Variants in AFF3 observed in about 807,000 individuals in gnomAD.
The protein encoded by AFF3 is ALF transcription elongation factor 3, also known as AF4/FMR2 family member 3.
AFF3 carries 32 observed loss-of-function variants against 129.7 expected under a neutral mutation model. The ratio of observed to expected loss-of-function variants is 0.25; its 90% confidence interval spans 0.19 to 0.33. The LOEUF (loss-of-function observed/expected upper bound fraction) is 0.33, where lower values mean the gene tolerates loss of function less well. Among genes scored for constraint, AFF3 ranks in the 10% least tolerant of loss-of-function variants. AFF3 has a pLI of 1.00. For missense variants in AFF3, 1,373 were observed against 1,592.0 expected (o/e 0.86, Z 2.34); for synonymous variants, 644 against 635.4 (o/e 1.01, Z -0.20).
At chr2:100,005,831 G>C (rs1001225665) in intron 7 of AFF3, among the ~76,000 whole-genome samples, 1 of 152,134 alleles carries the variant, frequency 6.6e-6, no homozygotes, top group African/African-American at 2.4e-5. Context: ...CTTTCATTTG[G>C]TTATTAAATC....
At chr2:99,885,921 A>G (rs1206723982) in intron 7 of AFF3, among the ~76,000 whole-genome samples, 1 of 152,188 alleles carries the variant, frequency 6.6e-6, no homozygotes, top group Non-Finnish European at 1.5e-5. Context: ...AACCCATAAG[A>G]GAGGCTTACC....
intron 14 of AFF3, among the ~76,000 whole-genome samples, chr2:99,594,851 T>C (rs975260988): frequency 7.2e-5 from 11 of 152,194 alleles, no homozygotes; most frequent in Non-Finnish European, 1.3e-4. Flanking sequence ...GTTTTGCATA[T>C]AGAACTATTT....
At chr2:99,964,265 A>T (rs989216171) in intron 7 of AFF3, among the ~76,000 whole-genome samples, 1 of 152,182 alleles carries the variant, frequency 6.6e-6, no homozygotes, top group Admixed American at 6.5e-5. Context: ...GATATAATTG[A>T]CATATATTTT....
chr2:99,554,711 C>G lies in AFF3; in HGVS notation c.3307G>C (p.Ala1103Pro), dbSNP rs948906687. 1 of 1,614,222 alleles carries G rather than the reference C, an allele frequency of 6.2e-7. No individual in the cohort carries two copies. The highest frequency in any genetic ancestry group is 1.3e-5 in the African/African-American group (1 of 75,066). The part of the protein sequence containing the change: ...YFKNSSKAAQ[A>P]PSPWGASGKS... ...CCACTGGCCCCCCACGGAGATGGGG[C>G]TTGGGCGGCTTTAGATGAGTTCTGC... is the stretch of plus-strand genomic sequence containing the variant. The change falls in exon 23 of 25, where the codon GCC becomes CCC. Residue 1103 changes from alanine to proline, a missense_variant. Physicochemically the swap from Ala to Pro is conservative, Grantham distance 27. Coordinates refer to ENST00000672756, the MANE Select transcript of AFF3 (RefSeq NM_001386135.1).
rs1395021881 is a variant in AFF3 at position 99,672,193 on chromosome 2, C to T, written c.1143+345G>A. Among the ~76,000 whole-genome samples, 5 of 27,696 alleles carry T rather than the reference C, an allele frequency of 1.8e-4. No individual in the cohort carries two copies. In the African/African-American group the frequency reaches 2.2e-3, roughly 12 times the overall value. The allele number at this position is 27,696 out of a possible 152,430, so 18.2% of individuals were successfully genotyped here. On this transcript the variant is annotated intron_variant, in intron 12 of 24. Transcript: ENST00000672756. ...AGTTAGCTTCTCACACACACACACACACACACACACACACACACACACACA... is the reference window on the plus strand; with the variant it reads ...AGTTAGCTTCTCACACACACACACATACACACACACACACACACACACACA...
At chr2:99,634,182 A>G (rs1233171383) in intron 13 of AFF3, among the ~76,000 whole-genome samples, 1 of 152,220 alleles carries the variant, frequency 6.6e-6, no homozygotes, top group Non-Finnish European at 1.5e-5. Context: ...TGCTGGGATT[A>G]CAGGCGTGAG....
chr2:99,976,965 C>G lies in AFF3; in HGVS notation c.873+29667G>C, dbSNP rs1424631382. On this transcript the variant is annotated intron_variant, in intron 7 of 24. Transcript: ENST00000672756. Reference sequence around the variant, plus strand: ...GGTTTTCAAATACATGAAGGGTACTCAGAGAGAGGATGATTGCCAAAGAAA... The same window carrying G: ...GGTTTTCAAATACATGAAGGGTACTGAGAGAGAGGATGATTGCCAAAGAAA... Among the ~76,000 whole-genome samples the G allele has an allele frequency of 4.6e-5, 7 of 152,096 alleles. No homozygotes were observed. The East Asian group carries it at 9.6e-4, about 21-fold the overall frequency.
At chr2:100,037,594 TTATTTATATATAAA>T in intron 4 of AFF3, among the ~76,000 whole-genome samples, 1 of 26,204 alleles carries the variant, frequency 3.8e-5, no homozygotes, top group Non-Finnish European at 6.0e-5. Flanking sequence ...ATTTTATATA[TTATTTATATATAAA>T]TATATATTTA....
chr2:99,728,547 A>G (rs771902354), intron 10 of AFF3, among the ~76,000 whole-genome samples: 2 of 152,256 alleles, frequency 1.3e-5, no homozygotes, highest in Non-Finnish European at 2.9e-5. Flanking sequence ...AGCAAACTTT[A>G]TATGTCCTTC....
intron 2 of AFF3, among the ~76,000 whole-genome samples, chr2:100,124,632 A>T (rs1184143245): frequency 1.3e-5 from 2 of 148,478 alleles, no homozygotes; most frequent in East Asian, 4.2e-4. Context: ...CATTGCTGAC[A>T]TAGAGGGCAG....
chr2:99,549,749 A>G lies in AFF3; in HGVS notation c.*1725T>C. Reference sequence around the variant, plus strand: ...TCATCTAAGTTGTTCAGTCATTTATACAATTTTGAATCAGTGCTCAGAGCT... The same window carrying G: ...TCATCTAAGTTGTTCAGTCATTTATGCAATTTTGAATCAGTGCTCAGAGCT... On this transcript the variant is annotated 3_prime_UTR_variant, in exon 25 of 25. Coordinates refer to ENST00000672756, the MANE Select transcript of AFF3 (RefSeq NM_001386135.1). The G allele has an allele frequency of 4.5e-6, 1 of 220,778 alleles. No individual in the cohort carries two copies. Among genetic ancestry groups the G allele is most frequent in the Non-Finnish European group, 9.1e-6 (1 of 110,272 alleles). 13.7% of individuals were successfully genotyped at this position (220,778 alleles called of 1,614,324 possible).
intron 1 of AFF3, among the ~76,000 whole-genome samples, chr2:100,140,602 T>C (rs1163489014): frequency 6.6e-6 from 1 of 152,152 alleles, no homozygotes; most frequent in Non-Finnish European, 1.5e-5. Context: ...AAAATGTGTG[T>C]AAAATGCCGA....
intron 2 of AFF3, among the ~76,000 whole-genome samples, chr2:100,112,706 G>C (rs939358368): frequency 6.6e-6 from 1 of 152,084 alleles, no homozygotes; most frequent in Admixed American, 6.5e-5. Context: ...AAGAAAAAAA[G>C]AAAGAAGCTG....
intron 7 of AFF3, among the ~76,000 whole-genome samples, chr2:99,935,295 G>C (rs1427632450): frequency 6.6e-6 from 1 of 152,068 alleles, no homozygotes; most frequent in Non-Finnish European, 1.5e-5. Flanking sequence ...TTTGCCTATG[G>C]GACACTGGCC....
chr2:99,875,572 G>A (rs1191138586), intron 7 of AFF3, among the ~76,000 whole-genome samples: 1 of 152,172 alleles, frequency 6.6e-6, no homozygotes, highest in African/African-American at 2.4e-5. Context: ...TCTGTTAGCT[G>A]AATGAATGAA....
At chr2:99,933,850 T>A (rs540346161) in intron 7 of AFF3, among the ~76,000 whole-genome samples, 4 of 152,264 alleles carry the variant, frequency 2.6e-5, no homozygotes, top group African/African-American at 9.6e-5. Context: ...AGACTTGACA[T>A]CTGGTAGAAC....
At chr2:99,867,636 T>C (rs1041385216) in intron 7 of AFF3, among the ~76,000 whole-genome samples, 24 of 149,786 alleles carry the variant, frequency 1.6e-4, no homozygotes, top group African/African-American at 5.9e-4. Context: ...TGAGAGAAAG[T>C]CATTTGATAA....
intron 7 of AFF3, among the ~76,000 whole-genome samples, chr2:99,862,936 C>A (rs1373116553): frequency 6.6e-6 from 1 of 152,224 alleles, no homozygotes; most frequent in African/African-American, 2.4e-5. Flanking sequence ...TCTAATGATG[C>A]TATCTTGGCA....
At chr2:99,582,464 A>T (rs1490493967) in intron 17 of AFF3, among the ~76,000 whole-genome samples, 1 of 152,328 alleles carries the variant, frequency 6.6e-6, no homozygotes, top group Admixed American at 6.5e-5. Context: ...TGGGATAAGA[A>T]ATTTTTCCCA....
Sources: gnomAD v4.1 joint callset for allele counts (sites outside exome capture counted in the v4.1 genomes callset) on GRCh38, gnomAD v4.1.1 for gene constraint, MANE v1.5 for transcripts, NCBI Gene and HGNC (gene_info 2026-07-23, HGNC 2026-07-21) for gene names.